The following GALNT12 variants were observed in gnomAD, a reference collection of about 807,000 sequenced individuals.
GALNT12 encodes the protein polypeptide N-acetylgalactosaminyltransferase 12, also known as UDP-GalNAc:polypeptide N-acetylgalactosaminyltransferase 12.
A neutral mutation model predicts 55.5 loss-of-function variants in GALNT12; 45 were observed. That is an observed-to-expected ratio of 0.81 (90% CI 0.64 to 1.04). The LOEUF is 1.04. GALNT12 is among the 50% of genes least tolerant of loss of function. GALNT12 has a pLI of 0.00. For missense variants in GALNT12, 709 were observed against 754.8 expected, an observed-to-expected ratio of 0.94 and a Z score of 0.71; for synonymous variants, 304 against 312.2, an observed-to-expected ratio of 0.97 and a Z score of 0.28.
intron 1 of GALNT12, among the ~76,000 whole-genome samples, chr9:98,818,023 C>CA (rs1835653494): frequency 6.6e-6 from 1 of 152,076 alleles, no homozygotes; most frequent in Admixed American, 6.6e-5. Flanking sequence ...TGTTTTGGCC[C>CA]ATTTAATCAC....
intron 7 of GALNT12, among the ~76,000 whole-genome samples, chr9:98,840,953 C>T (rs920307812): frequency 6.6e-6 from 1 of 152,138 alleles, no homozygotes; most frequent in East Asian, 1.9e-4. Context: ...CTTACAAAAC[C>T]GTAGAAATGA....
At chr9:98,809,451 C>T (rs1230522193) in intron 1 of GALNT12, among the ~76,000 whole-genome samples, 1 of 152,212 alleles carries the variant, frequency 6.6e-6, no homozygotes, top group Non-Finnish European at 1.5e-5. Context: ...TACCCAGCTT[C>T]AGATTAAATC....
chr9:98,824,816 G>A (rs1240703219), intron 2 of GALNT12, among the ~76,000 whole-genome samples: 1 of 152,192 alleles, frequency 6.6e-6, no homozygotes, highest in Non-Finnish European at 1.5e-5. Context: ...ATGGGATCAT[G>A]TATAGGACAG....
At chr9:98,811,520 A>T (rs1379872417) in intron 1 of GALNT12, among the ~76,000 whole-genome samples, 1 of 152,126 alleles carries the variant, frequency 6.6e-6, no homozygotes, top group Non-Finnish European at 1.5e-5. Flanking sequence ...GCCATTCTCT[A>T]CCAGGGCAGA....
intron 6 of GALNT12, among the ~76,000 whole-genome samples, chr9:98,837,788 A>G (rs1407505): frequency 0.26 from 39,557 of 151,936 alleles, 5,383 homozygotes; most frequent in East Asian, 0.33. Context: ...CCCTTGTTAT[A>G]TATCACCTGG....
At chr9:98,840,448 T>C (rs1482398526) in intron 7 of GALNT12, among the ~76,000 whole-genome samples, 1 of 152,230 alleles carries the variant, frequency 6.6e-6, no homozygotes, top group Non-Finnish European at 1.5e-5. Flanking sequence ...ACTTCTAGTC[T>C]CAATGGCTGG....
intron 8 of GALNT12, among the ~76,000 whole-genome samples, chr9:98,844,961 A>G (rs901440584): frequency 1.3e-5 from 2 of 152,166 alleles, no homozygotes; most frequent in African/African-American, 4.8e-5. Context: ...AGACACCAGG[A>G]AACAAAGGGA....
At chr9:98,836,909 A>G in intron 5 of GALNT12, 63 bp from the exon 6 acceptor site, 2 of 1,560,832 alleles carry the variant, frequency 1.3e-6, no homozygotes, top group East Asian at 4.5e-5. Context: ...TTTGCTGCAG[A>G]TACTATGGAC....
At chr9:98,832,600 T>C (rs373355645) in intron 4 of GALNT12, among the ~76,000 whole-genome samples, 3 of 152,204 alleles carry the variant, frequency 2.0e-5, no homozygotes, top group Admixed American at 1.3e-4. Context: ...ACATGATCTT[T>C]ACCTATTTCC....
chr9:98,824,077 C>T (rs1047156517), intron 2 of GALNT12, among the ~76,000 whole-genome samples: 1 of 152,198 alleles, frequency 6.6e-6, no homozygotes, highest in African/African-American at 2.4e-5. Flanking sequence ...GGGAAGCAAC[C>T]CCTGCTGATG....
chr9:98,827,200 T>G (rs1835877629), intron 3 of GALNT12, among the ~76,000 whole-genome samples: 1 of 152,206 alleles, frequency 6.6e-6, no homozygotes, highest in Non-Finnish European at 1.5e-5. Flanking sequence ...TTTTTTCTTT[T>G]TATTTTTTGA....
chr9:98,819,863 A>G (rs1835697151), intron 1 of GALNT12, among the ~76,000 whole-genome samples: 1 of 152,188 alleles, frequency 6.6e-6, no homozygotes, highest in Admixed American at 6.5e-5. Flanking sequence ...TCAGCCCAGT[A>G]CATACTAGCA....
At chr9:98,827,646 A>AG (rs1281226880) in intron 3 of GALNT12, among the ~76,000 whole-genome samples, 1 of 152,140 alleles carries the variant, frequency 6.6e-6, no homozygotes, top group Non-Finnish European at 1.5e-5. Flanking sequence ...AACAATGCCT[A>AG]GGGCCCATGA....
rs1284185739 is a variant in GALNT12 at position 98,831,777 on chromosome 9, A to G, written c.737A>G (p.His246Arg). Residue 246 changes from histidine to arginine, a missense_variant, in exon 4 of 10, where the codon CAT becomes CGT. His to Arg is a conservative substitution (Grantham distance 29, BLOSUM62 0). Around this residue, in one of 5 missense-constraint regions of GALNT12, gnomAD observed 315 missense variants for 288.6 expected, o/e 1.09. Coordinates refer to ENST00000375011, the MANE Select transcript of GALNT12 (RefSeq NM_024642.5). ...GWLEPLLQRIHEEESAVVCPV... is the reference protein window; with the variant it reads ...GWLEPLLQRIREEESAVVCPV... ...GATGTCTTGGGTGCTTTCAGGATCC[A>G]TGAAGAGGAGTCGGCAGTGGTGTGC... is the stretch of plus-strand genomic sequence containing the variant. 3 of 1,614,100 alleles carry G rather than the reference A, an allele frequency of 1.9e-6. No homozygotes were observed. The highest frequency in any genetic ancestry group is 2.2e-5 in the East Asian group (1 of 44,888).
intron 1 of GALNT12, 47 bp downstream of exon 1, chr9:98,808,116 C>T (rs1489225178): frequency 1.4e-6 from 2 of 1,475,138 alleles, no homozygotes; most frequent in Admixed American, 2.0e-5. Context: ...GAGCCCCGGG[C>T]CTCAGTTTCT....
rs1233606570 is a variant in GALNT12 at position 98,814,117 on chromosome 9, C to T, written c.371+6048C>T. ...TGTCATCACGAAATTATTGATTGGT[C>T]AGGCCTGAGGCATGTAACCTTCCCA... On this transcript the variant is annotated intron_variant, in intron 1 of 9. Coordinates refer to ENST00000375011, the MANE Select transcript of GALNT12 (RefSeq NM_024642.5). Among the ~76,000 whole-genome samples, 4 of 152,082 alleles carry T rather than the reference C, an allele frequency of 2.6e-5. 1 individual carries two copies. Among genetic ancestry groups the T allele is most frequent in the South Asian group, 4.1e-4 (2 of 4,822 alleles).
intron 3 of GALNT12, among the ~76,000 whole-genome samples, chr9:98,827,156 G>T (rs1835876922): frequency 6.6e-6 from 1 of 152,154 alleles, no homozygotes; most frequent in South Asian, 2.1e-4. Flanking sequence ...GCTGGAGAAG[G>T]CCCTGTGTCA....
rs368707436 is a variant in GALNT12, at chr9:98,844,292, A to G, written c.1458+83A>G. ...GTTGAATTTTTTTCTTGTAAAAGTA[A>G]TATTTGGGAAATATAAAAAGTAGAA... On this transcript the variant is annotated intron_variant, in intron 8 of 9. Transcript: ENST00000375011. 387 of 920,812 alleles carry G rather than the reference A, an allele frequency of 4.2e-4. 1 individual carries two copies. In the African/African-American group the frequency reaches 5.6e-3, roughly 13 times the overall value. 57.0% of individuals were successfully genotyped at this position (920,812 alleles called of 1,614,324 possible).
chr9:98,839,406 C>A (rs556348328), intron 6 of GALNT12, among the ~76,000 whole-genome samples: 2 of 152,174 alleles, frequency 1.3e-5, no homozygotes, highest in African/African-American at 4.8e-5. Context: ...TGCACATTTG[C>A]GATACTAAAT....
Sources: allele counts gnomAD v4.1 joint callset (sites outside exome capture counted in the v4.1 genomes callset), GRCh38; gene constraint gnomAD v4.1.1; regional missense constraint gnomAD v4.1.1; transcripts MANE v1.5; gene names NCBI Gene and HGNC (gene_info 2026-07-23, HGNC 2026-07-21).